The following ITGA6 variants were observed in gnomAD, a reference collection of about 807,000 sequenced individuals.
The protein encoded by ITGA6 is integrin subunit alpha 6, also known as integrin alpha-6.
A neutral mutation model predicts 133.6 loss-of-function variants in ITGA6; 63 were observed. The observed-to-expected ratio is 0.47, with a 90% CI of 0.38 to 0.58. The LOEUF is 0.58. ITGA6 is among the 20% of genes least tolerant of loss of function. The pLI is 0.00. For missense variants in ITGA6, 1,068 were observed against 1,309.4 expected (o/e 0.82, Z 2.85); for synonymous variants, 434 against 482.0 (o/e 0.90, Z 1.30).
chr2:172,476,565 TAA>T lies in ITGA6; in HGVS notation c.1388+55_1388+56del, dbSNP rs761006656. 1.2e-5 allele frequency: 13 copies of T among 1,079,282 alleles called. No individual in the cohort carries two copies. In the Admixed American group the frequency reaches 2.2e-4, roughly 18 times the overall value. The allele number at this position is 1,079,282 out of a possible 1,614,324, so 66.9% of individuals were successfully genotyped here. ...AGCATGTTCTATAATCAGGTTATAC[TAA>T]AATGTTGACCTTTTGGACTGAAATT... On this transcript the variant is annotated intron_variant, in intron 9 of 25. Coordinates refer to ENST00000684293, the MANE Select transcript of ITGA6 (RefSeq NM_000210.4).
intron 1 of ITGA6, among the ~76,000 whole-genome samples, chr2:172,464,948 A>G (rs1043960375): frequency 3.3e-5 from 5 of 152,050 alleles, no homozygotes; most frequent in Non-Finnish European, 7.4e-5. Context: ...TGGAGGGAAA[A>G]AAAAAAAAGA....
chr2:172,460,104 T>A (rs1317457938), intron 1 of ITGA6, among the ~76,000 whole-genome samples: 1 of 152,242 alleles, frequency 6.6e-6, no homozygotes, highest in Non-Finnish European at 1.5e-5. Context: ...GAACAGTTTC[T>A]TTTGAGGCTG....
chr2:172,428,345 A>C (rs1350049816), intron 1 of ITGA6: 1 of 153,908 alleles, frequency 6.5e-6, no homozygotes, highest in African/African-American at 2.4e-5. Flanking sequence ...GGTGGCGTTC[A>C]GGGTCACCGC....
At position 172,474,939 on chromosome 2, in the gene ITGA6, A is replaced by G. The variant is rs1686101881; in HGVS notation, c.997A>G (p.Ile333Val). ...TCATTATGTTTTTAGGTGGCAAGAT[A>G]TAGTTATTGGAGCCCCACAGTATTT... is the stretch of plus-strand genomic sequence containing the variant. The part of the protein sequence containing the change: ...VDLNKDGWQD[I>V]VIGAPQYFDR... Residue 333 changes from isoleucine to valine, a missense_variant, in exon 7 of 26, where the codon ATA becomes GTA. By Grantham distance (29) the Ile-to-Val change is conservative. Around this residue, in one of 3 missense-constraint regions of ITGA6, gnomAD observed 317 missense variants for 456.9 expected, o/e 0.69. Coordinates refer to ENST00000684293, the MANE Select transcript of ITGA6 (RefSeq NM_000210.4). The G allele has an allele frequency of 6.5e-7, 1 of 1,545,478 alleles. No homozygotes were observed. Among genetic ancestry groups the G allele is most frequent in the Non-Finnish European group, 8.9e-7 (1 of 1,117,442 alleles).
intron 9 of ITGA6, 24 bp from the exon 10 acceptor site, chr2:172,479,617 G>A (rs1686339595): frequency 1.3e-6 from 2 of 1,595,170 alleles, no homozygotes; most frequent in African/African-American, 1.3e-5. Flanking sequence ...GGCTGAGCTT[G>A]TTTTTCACTC....
At position 172,436,593 on chromosome 2, in the gene ITGA6, TTCTC is replaced by T. The variant is rs1218105506; in HGVS notation, c.182+8627_182+8630del. Among the ~76,000 whole-genome samples the T allele has an allele frequency of 3.3e-5, 5 of 152,324 alleles. No individual in the cohort carries two copies. The East Asian group carries it at 7.7e-4, about 23-fold the overall frequency. ...ATGTAAGCTCTGTAAGCTCATTTAT[TTCTC>T]TCTGTGTGTGTACATGTTTTAACCC... On this transcript the variant is annotated intron_variant, in intron 1 of 25. Transcript: ENST00000684293.
rs779106452 is a variant in ITGA6 at position 172,489,518 on chromosome 2, G to A, written c.2539G>A (p.Gly847Ser). The change falls in exon 20 of 26, where the codon GGC (glycine) becomes AGC (serine). Residue 847 changes from glycine to serine, a missense_variant. By Grantham distance (56) the Gly-to-Ser change is moderately conservative. Transcript: ENST00000684293. ...INLGKPLTNL[G>S]TATLNIQWPK... is the part of the protein sequence containing the mutation. Reference sequence around the variant, plus strand: ...CTTAGGTAAACCTCTTACAAACCTCGGCACAGCAACCTTGAACATTCAGTG... The same window carrying A: ...CTTAGGTAAACCTCTTACAAACCTCAGCACAGCAACCTTGAACATTCAGTG... The A allele has an allele frequency of 8.1e-6, 13 of 1,613,702 alleles. No individual in the cohort carries two copies. Among genetic ancestry groups the A allele is most frequent in the South Asian group, 4.4e-5 (4 of 91,070 alleles).
intron 5 of ITGA6, 59 bp downstream of exon 5, chr2:172,471,164 T>C (rs1301286640): frequency 6.2e-7 from 1 of 1,602,204 alleles, no homozygotes; most frequent in African/African-American, 1.3e-5. Context: ...TGTGTGAAAC[T>C]CCCTCGCAGG....
At chr2:172,438,250 A>G (rs1684405647) in intron 1 of ITGA6, among the ~76,000 whole-genome samples, 2 of 151,720 alleles carry the variant, frequency 1.3e-5, no homozygotes, top group African/African-American at 4.8e-5. Context: ...GACCTCACCA[A>G]CTGAGTAGGT....
rs144876969 is a variant in ITGA6 at position 172,499,361 on chromosome 2, A to G, written c.3114+1261A>G. ...AACATTTTTTCAAGGAGATGCCTTG[A>G]AGAAAAAAAAATTTTTTTTGAGACT... On this transcript the variant is annotated intron_variant, in intron 24 of 25. Coordinates refer to ENST00000684293, the MANE Select transcript of ITGA6 (RefSeq NM_000210.4). Among the ~76,000 whole-genome samples the G allele has an allele frequency of 1.6e-3, 226 of 143,434 alleles. 1 individual carries two copies. Among genetic ancestry groups the G allele is most frequent in the African/African-American group, 5.4e-3 (187 of 34,692 alleles). 94.1% of individuals were successfully genotyped at this position (143,434 alleles called of 152,430 possible).
In ITGA6 at chr2:172,437,767, G is replaced by GTAATGTGGGC. The variant is rs1230862068; in HGVS notation, c.182+9797_182+9798insTAATGTGGGC. On this transcript the variant is annotated intron_variant, in intron 1 of 25. Coordinates refer to ENST00000684293, the MANE Select transcript of ITGA6 (RefSeq NM_000210.4). ...GAGGGCACCAAGGACGGGGATGGAG[G>GTAATGTGGGC]CCTGAGCCCTATGGTGTTCTTACAC... is the stretch of plus-strand genomic sequence containing the variant. 1.0e-3 allele frequency among the ~76,000 whole-genome samples: 157 copies of GTAATGTGGGC among 152,016 alleles called. 1 individual carries two copies. Among genetic ancestry groups the GTAATGTGGGC allele is most frequent in the Admixed American group, 1.8e-3 (27 of 15,244 alleles).
In ITGA6 at chr2:172,474,171, T is replaced by G; in HGVS notation, c.892T>G (p.Ser298Ala). ...GGTTTTGCTGAAGAGAGACATGAAG[T>G]CTGCACATCTCCTCCCTGAGCACAT... is the stretch of plus-strand genomic sequence containing the variant. ...AVVLLKRDMK[S>A]AHLLPEHIFD... The change falls in exon 6 of 26, where the codon TCT becomes GCT. Residue 298 changes from serine (S) to alanine (A), a missense_variant. Around this residue, in one of 3 missense-constraint regions of ITGA6, gnomAD observed 317 missense variants for 456.9 expected, o/e 0.69. Coordinates refer to ENST00000684293, the MANE Select transcript of ITGA6 (RefSeq NM_000210.4). 1 of 1,614,072 alleles carries G rather than the reference T, an allele frequency of 6.2e-7. No individual in the cohort carries two copies. Among genetic ancestry groups the G allele is most frequent in the Non-Finnish European group, 8.5e-7 (1 of 1,180,006 alleles).
At chr2:172,503,218 T>A (rs1006138369) in intron 25 of ITGA6, among the ~76,000 whole-genome samples, 2 of 152,038 alleles carry the variant, frequency 1.3e-5, no homozygotes, top group Non-Finnish European at 2.9e-5. Flanking sequence ...CACCTTTTTT[T>A]AAAAAAAGTA....
intron 24 of ITGA6, 127 bp downstream of exon 24, chr2:172,498,227 T>A (rs1348102769): frequency 3.1e-6 from 3 of 977,498 alleles, no homozygotes; most frequent in Non-Finnish European, 4.7e-6. Flanking sequence ...GAAACTCTTT[T>A]GACATAGCAA....
chr2:172,444,614 C>CA (rs1684679047), intron 1 of ITGA6, among the ~76,000 whole-genome samples: 3 of 111,476 alleles, frequency 2.7e-5, no homozygotes, highest in African/African-American at 1.0e-4. Context: ...CAAAAAAAAC[C>CA]AAAAACCCAA....
intron 11 of ITGA6, among the ~76,000 whole-genome samples, chr2:172,482,165 G>A (rs1388320628): frequency 6.6e-6 from 1 of 152,124 alleles, no homozygotes; most frequent in African/African-American, 2.4e-5. Context: ...AGCATTTGAT[G>A]CCATGTGTAT....
chr2:172,472,744 C>T (rs762892050), intron 5 of ITGA6: 40 of 1,414,312 alleles, frequency 2.8e-5, no homozygotes, highest in Non-Finnish European at 3.8e-5. Context: ...ACTTTTTCTT[C>T]AATTTCTTCC....
At chr2:172,486,670 A>C (rs992526475) in intron 13 of ITGA6, among the ~76,000 whole-genome samples, 1 of 152,292 alleles carries the variant, frequency 6.6e-6, no homozygotes, top group Middle Eastern at 3.4e-3. Flanking sequence ...ATAAAGTTAG[A>C]ATGGTGGTAT....
intron 4 of ITGA6, among the ~76,000 whole-genome samples, chr2:172,470,180 T>G (rs1218784873): frequency 6.6e-6 from 1 of 152,166 alleles, no homozygotes; most frequent in African/African-American, 2.4e-5. Flanking sequence ...ACAATTTGTT[T>G]TAATTGTGGT....
Sources: allele counts gnomAD v4.1 joint callset (sites outside exome capture counted in the v4.1 genomes callset), GRCh38; gene constraint gnomAD v4.1.1; regional missense constraint gnomAD v4.1.1; transcripts MANE v1.5; gene names NCBI Gene and HGNC (gene_info 2026-07-23, HGNC 2026-07-21).